CLNK: variants seen among roughly 807,000 people sequenced by gnomAD.
The protein encoded by CLNK is cytokine dependent hematopoietic cell linker.
Under a neutral mutation model 68.6 loss-of-function variants are expected in CLNK, and 74 were observed. The ratio of observed to expected loss-of-function variants is 1.08; its 90% CI spans 0.89 to 1.31. The LOEUF (loss-of-function observed/expected upper bound fraction) is 1.31, where lower values mean the gene tolerates loss of function less well. Among genes scored for constraint, CLNK ranks in the 50% most tolerant of loss-of-function variants. CLNK has a pLI of 0.00. For missense variants in CLNK, 553 were observed against 515.3 expected, an observed-to-expected ratio of 1.07 and a Z score of -0.71; for synonymous variants, 198 against 172.2, an observed-to-expected ratio of 1.15 and a Z score of -1.17.
At chr4:10,596,364 A>G (rs1182213108) in intron 3 of CLNK, among the ~76,000 whole-genome samples, 1 of 152,228 alleles carries the variant, frequency 6.6e-6, no homozygotes, top group Non-Finnish European at 1.5e-5. Context: ...GTTGGAATGG[A>G]AAAAGAGGCT....
At chr4:10,697,395 G>A in the CLNK span, 4 of 152,184 alleles carry the variant, frequency 2.6e-5, no homozygotes, top group East Asian at 1.9e-4. Flanking sequence ...CCGCATGACT[G>A]CCTTAATGAG....
intron 4 of CLNK, among the ~76,000 whole-genome samples, chr4:10,584,565 C>T (rs756200929): frequency 1.3e-5 from 2 of 152,112 alleles, no homozygotes; most frequent in African/African-American, 2.4e-5. Context: ...TTGGGGGTAA[C>T]CAATTATATG....
chr4:10,491,365 G>C (rs1295918756), intron 18 of CLNK, among the ~76,000 whole-genome samples: 1 of 99,584 alleles, frequency 1.0e-5, no homozygotes, highest in Non-Finnish European at 2.3e-5. Context: ...TATAGAAGAT[G>C]TAGGCTCGAA....
chr4:10,697,144 T>C, the CLNK span: 2 of 152,206 alleles, frequency 1.3e-5, no homozygotes, highest in African/African-American at 4.8e-5. Context: ...CAGACACTCA[T>C]GATTGCAAAA....
chr4:10,516,973 T>A (rs770855460), intron 15 of CLNK, among the ~76,000 whole-genome samples: 1 of 152,150 alleles, frequency 6.6e-6, no homozygotes, highest in Non-Finnish European at 1.5e-5. Context: ...TTATGGTTAG[T>A]TATTTTCAGC....
intron 2 of CLNK, among the ~76,000 whole-genome samples, chr4:10,624,382 T>A (rs1344972667): frequency 1.3e-5 from 2 of 152,146 alleles, no homozygotes; most frequent in Non-Finnish European, 2.9e-5. Flanking sequence ...AAGCTCCGCC[T>A]CCTGGGTTCA....
chr4:10,513,475 AC>A lies in CLNK; in HGVS notation c.894del (p.Arg298SerfsTer27). ...YTSWRPPFPKRSDRKDVQHNE... is the reference protein window; with the variant it reads ...YTSWRPPFPKXSDRKDVQHNE... ...AAGTGTCTGCTTACCTTTCTATCAG[AC>A]CTTTTGGGGAAAGGTGGTCTCCAGC... On this transcript the variant is annotated frameshift_variant, in exon 16 of 19. Transcript: ENST00000226951. LOFTEE classifies it high-confidence loss of function. The A allele has an allele frequency of 6.2e-7, 1 of 1,611,392 alleles. No individual in the cohort carries two copies. Among genetic ancestry groups the A allele is most frequent in the Admixed American group, 1.7e-5 (1 of 59,690 alleles).
chr4:10,530,745 T>C (rs1372723759), intron 12 of CLNK, among the ~76,000 whole-genome samples: 1 of 152,084 alleles, frequency 6.6e-6, no homozygotes, highest in Admixed American at 6.5e-5. Flanking sequence ...CTACTCGAGA[T>C]ACCCAGGCCT....
intron 2 of CLNK, among the ~76,000 whole-genome samples, chr4:10,599,483 A>G (rs967278118): frequency 6.6e-6 from 1 of 152,004 alleles, no homozygotes; most frequent in Non-Finnish European, 1.5e-5. Context: ...CACATATTTC[A>G]TTATTCATTG....
chr4:10,518,184 A>G (rs1434998307), intron 15 of CLNK, among the ~76,000 whole-genome samples: 1 of 152,128 alleles, frequency 6.6e-6, no homozygotes, highest in African/African-American at 2.4e-5. Context: ...AGCCTAATAG[A>G]AAAGGCATGG....
intron 2 of CLNK, among the ~76,000 whole-genome samples, chr4:10,644,590 G>T (rs1723438629): frequency 6.6e-6 from 1 of 152,148 alleles, no homozygotes; most frequent in Non-Finnish European, 1.5e-5. Flanking sequence ...GAAGAACAGG[G>T]TGAGACACAT....
intron 2 of CLNK, among the ~76,000 whole-genome samples, chr4:10,624,546 C>A (rs1254116793): frequency 6.6e-6 from 1 of 151,546 alleles, no homozygotes; most frequent in African/African-American, 2.4e-5. Flanking sequence ...CCTGCCTTAG[C>A]CTCCCAACGT....
At chr4:10,707,897 T>C in the CLNK span, among the ~76,000 whole-genome samples, 1 of 152,208 alleles carries the variant, frequency 6.6e-6, no homozygotes, top group Non-Finnish European at 1.5e-5. Context: ...CAGTGCAGCA[T>C]GGATCACAAA....
chr4:10,578,959 G>T (rs1226029308), intron 4 of CLNK, among the ~76,000 whole-genome samples: 1 of 152,206 alleles, frequency 6.6e-6, no homozygotes, highest in Non-Finnish European at 1.5e-5. Flanking sequence ...GCACAAACTG[G>T]TGACTCCATG....
the CLNK span, among the ~76,000 whole-genome samples, chr4:10,719,331 G>A: frequency 6.6e-6 from 1 of 152,028 alleles, no homozygotes; most frequent in African/African-American, 2.4e-5. Flanking sequence ...AATACAGGCA[G>A]TTTGAGAGTA....
chr4:10,691,942 A>C, the CLNK span: 1 of 152,198 alleles, frequency 6.6e-6, no homozygotes, highest in Non-Finnish European at 1.5e-5. Context: ...AATGAAGCCA[A>C]TTTCAACACT....
At chr4:10,550,916 C>T (rs1719422077) in intron 8 of CLNK, among the ~76,000 whole-genome samples, 1 of 152,166 alleles carries the variant, frequency 6.6e-6, no homozygotes, top group African/African-American at 2.4e-5. Context: ...GTGACTTGAA[C>T]CTAAGCACTG....
the CLNK span, among the ~76,000 whole-genome samples, chr4:10,705,402 A>G: frequency 2.0e-5 from 3 of 152,190 alleles, no homozygotes; most frequent in East Asian, 1.9e-4. Context: ...AAAATCTTAT[A>G]TTTCTGAAGG....
intron 17 of CLNK, among the ~76,000 whole-genome samples, chr4:10,505,113 T>C (rs1396047843): frequency 6.6e-6 from 1 of 152,212 alleles, no homozygotes; most frequent in Non-Finnish European, 1.5e-5. Flanking sequence ...AATGGTGTAC[T>C]GGGCACTGAT....
Sources: gnomAD v4.1 joint callset for allele counts (sites outside exome capture counted in the v4.1 genomes callset) on GRCh38, gnomAD v4.1.1 for gene constraint, MANE v1.5 for transcripts, NCBI Gene and HGNC (gene_info 2026-07-23, HGNC 2026-07-21) for gene names.